ELAVL4: variants seen among roughly 807,000 people sequenced by gnomAD.
The protein encoded by ELAVL4 is ELAV like RNA binding protein 4.
Under a neutral mutation model 35.6 loss-of-function variants are expected in ELAVL4, and 1 was observed. That is an observed-to-expected ratio of 0.03 (90% CI 0.01 to 0.13). The LOEUF is 0.13. Among genes scored for constraint, ELAVL4 ranks in the 10% least tolerant of loss-of-function variants. ELAVL4 has a pLI of 1.00. For missense variants in ELAVL4, 267 were observed against 464.9 expected, an observed-to-expected ratio of 0.57 and a Z score of 3.91; for synonymous variants, 156 against 171.0, an observed-to-expected ratio of 0.91 and a Z score of 0.69.
intron 1 of ELAVL4, among the ~76,000 whole-genome samples, chr1:50,119,037 A>AAAGG (rs1481854346): frequency 5.9e-4 from 11 of 18,518 alleles, no homozygotes; most frequent in African/African-American, 2.6e-3. Context: ...AAAGAAAGAA[A>AAAGG]AAGAAAGAAA....
intron 3 of ELAVL4, among the ~76,000 whole-genome samples, chr1:50,190,076 G>A (rs1444030708): frequency 6.6e-6 from 1 of 152,194 alleles, no homozygotes; most frequent in African/African-American, 2.4e-5. Context: ...CCCAGAGAGA[G>A]GAGTGGCTTC....
chr1:50,194,018 T>A (rs552407168), intron 4 of ELAVL4, 100 bp downstream of exon 4: 1 of 1,437,368 alleles, frequency 7.0e-7, no homozygotes, highest in East Asian at 2.4e-5. Flanking sequence ...GCAGATGATA[T>A]GGATCATGAA....
intron 1 of ELAVL4, among the ~76,000 whole-genome samples, chr1:50,052,761 ATTC>A (rs1197024454): frequency 6.6e-6 from 1 of 152,246 alleles, no homozygotes; most frequent in African/African-American, 2.4e-5. Flanking sequence ...TACACAGTTT[ATTC>A]TCCTCACTAG....
chr1:50,103,789 A>G, upstream of ELAVL4: 1 of 877,880 alleles, frequency 1.1e-6, no homozygotes. Flanking sequence ...TGTTCACTCT[A>G]CCTTCCCACC....
At chr1:50,115,069 T>A (rs1304655935) in intron 1 of ELAVL4, 1 of 152,096 alleles carries the variant, frequency 6.6e-6, no homozygotes, top group African/African-American at 2.4e-5. Flanking sequence ...TCTCTCTCTC[T>A]CTCTGTCTCT....
At chr1:50,129,103 A>C (rs541478778) in intron 1 of ELAVL4, among the ~76,000 whole-genome samples, 1 of 152,096 alleles carries the variant, frequency 6.6e-6, no homozygotes, top group African/African-American at 2.4e-5. Flanking sequence ...TATTATAAAA[A>C]ATTATTTTAT....
chr1:50,114,748 G>C (rs911832599), intron 1 of ELAVL4, among the ~76,000 whole-genome samples: 1 of 152,058 alleles, frequency 6.6e-6, no homozygotes, highest in Middle Eastern at 3.4e-3. Flanking sequence ...TGCTAGCTGG[G>C]GGCACCACAG....
intron 1 of ELAVL4, among the ~76,000 whole-genome samples, chr1:50,048,488 G>C (rs1301108099): frequency 1.3e-5 from 2 of 152,142 alleles, no homozygotes; most frequent in Non-Finnish European, 2.9e-5. Context: ...GGGTTGACGC[G>C]CGCCCCCTCC....
At position 50,092,958 on chromosome 1, in the gene ELAVL4, T is replaced by C. The variant is rs866572278; in HGVS notation, c.18+44776T>C. 2.6e-5 allele frequency among the ~76,000 whole-genome samples: 4 copies of C among 152,312 alleles called. No individual in the cohort carries two copies. The Middle Eastern group carries it at 0.014, about 518-fold the overall frequency. ...CTGTGAGAGCTCAAATAGGGAACCA[T>C]TAATTCTGCCTATTCTCACTCCAAT... On this transcript the variant is annotated intron_variant, in intron 1 of 6. Transcript: ENST00000448907.
At chr1:50,107,574 C>T (rs111651337), upstream of ELAVL4, among the ~76,000 whole-genome samples, 204 of 152,224 alleles carry the variant, frequency 1.3e-3, 1 homozygote, top group African/African-American at 4.7e-3. Flanking sequence ...GACTTTGAAA[C>T]CCAGAAATAT....
intron 1 of ELAVL4, among the ~76,000 whole-genome samples, chr1:50,095,698 T>G (rs1665692200): frequency 6.6e-6 from 1 of 152,208 alleles, no homozygotes; most frequent in African/African-American, 2.4e-5. Context: ...CAGCAGTGCC[T>G]TCCTCTTTTC....
At chr1:50,071,500 A>G (rs1475130667) in intron 1 of ELAVL4, among the ~76,000 whole-genome samples, 1 of 152,214 alleles carries the variant, frequency 6.6e-6, no homozygotes. Flanking sequence ...GTCAAATTGA[A>G]GTTCATCGTG....
intron 1 of ELAVL4, among the ~76,000 whole-genome samples, chr1:50,058,026 G>T (rs575524890): frequency 6.6e-6 from 1 of 152,228 alleles, no homozygotes; most frequent in South Asian, 2.1e-4. Context: ...AGACAGCACC[G>T]AAACATTTTT....
intron 1 of ELAVL4, among the ~76,000 whole-genome samples, chr1:50,078,220 C>T (rs1664854260): frequency 6.6e-6 from 1 of 151,756 alleles, no homozygotes; most frequent in South Asian, 2.1e-4. Context: ...AGTGATTACA[C>T]AGAGAGCAAA....
At chr1:50,058,061 T>C (rs1250705346) in intron 1 of ELAVL4, among the ~76,000 whole-genome samples, 1 of 152,208 alleles carries the variant, frequency 6.6e-6, no homozygotes, top group Non-Finnish European at 1.5e-5. Flanking sequence ...GCTTGAGTTA[T>C]TTTTTTCTGA....
At chr1:50,134,931 G>C (rs1488695652) in intron 1 of ELAVL4, among the ~76,000 whole-genome samples, 1 of 152,160 alleles carries the variant, frequency 6.6e-6, no homozygotes, top group Non-Finnish European at 1.5e-5. Flanking sequence ...AAGGAGGCCA[G>C]TATTTATTTA....
At chr1:50,049,135 A>G (rs1663224970) in intron 1 of ELAVL4, among the ~76,000 whole-genome samples, 1 of 152,214 alleles carries the variant, frequency 6.6e-6, no homozygotes, top group African/African-American at 2.4e-5. Flanking sequence ...AATAATTTTC[A>G]TAAAATCTTC....
At chr1:50,074,111 G>A (rs995474480) in intron 1 of ELAVL4, among the ~76,000 whole-genome samples, 1 of 152,216 alleles carries the variant, frequency 6.6e-6, no homozygotes, top group South Asian at 2.1e-4. Context: ...CCATAGATGT[G>A]CTGGCCTGGC....
chr1:50,103,639 G>T (rs1235989076), upstream of ELAVL4, among the ~76,000 whole-genome samples: 1 of 152,200 alleles, frequency 6.6e-6, no homozygotes, highest in Non-Finnish European at 1.5e-5. Context: ...GAAAATGTCA[G>T]GTCATAGTCA....
Sources: gnomAD v4.1 joint callset for allele counts (sites outside exome capture counted in the v4.1 genomes callset) on GRCh38, gnomAD v4.1.1 for gene constraint, MANE v1.5 for transcripts, NCBI Gene and HGNC (gene_info 2026-07-23, HGNC 2026-07-21) for gene names.